UBN1: variants seen among roughly 807,000 people sequenced by gnomAD.
UBN1 encodes ubinuclein-1.
UBN1 carries 17 observed loss-of-function variants against 108.5 expected under a neutral mutation model. The ratio of observed to expected loss-of-function variants is 0.16; its 90% CI spans 0.11 to 0.24. The LOEUF (loss-of-function observed/expected upper bound fraction) is 0.24, where lower values mean the gene tolerates loss of function less well. Ranked by LOEUF, UBN1 falls within the 10% of genes least tolerant of loss-of-function variation. The pLI is 1.00. For synonymous variants in UBN1, 726 were observed against 564.2 expected (o/e 1.29, Z -4.07); for missense variants, 1,595 against 1,394.4 (o/e 1.14, Z -2.29).
At chr16:4,871,614 T>G (rs2087639996) in intron 12 of UBN1, among the ~76,000 whole-genome samples, 1 of 131,342 alleles carries the variant, frequency 7.6e-6, no homozygotes, top group African/African-American at 2.9e-5. Flanking sequence ...TGAGATGGAG[T>G]CTCGCTCTGT....
In UBN1 at chr16:4,860,837, T is replaced by C; in HGVS notation, c.845T>C (p.Leu282Pro). 1 of 1,614,288 alleles carries C rather than the reference T, an allele frequency of 6.2e-7. No homozygotes were observed. Among genetic ancestry groups the C allele is most frequent in the Non-Finnish European group, 8.5e-7 (1 of 1,180,060 alleles). ...GCGGAAGCTCAGGGCCTGCGGGAAC[T>C]GGAGGGTGCCTCTGACCCCTTGCTC... Reference protein sequence around the residue: ...PSAEAQGLRELEGASDPLLSL... With the variant: ...PSAEAQGLREPEGASDPLLSL... Residue 282 changes from leucine (L) to proline (P), a missense_variant, in exon 7 of 18, where the codon CTG becomes CCG. By Grantham distance (98) the Leu-to-Pro change is moderately conservative. This residue lies in a region of UBN1 where 1,398 missense variants were observed against 1,194.7 expected (regional missense o/e 1.17). Transcript: ENST00000262376.
chr16:4,868,482 C>T (rs574554600), intron 7 of UBN1, among the ~76,000 whole-genome samples: 6 of 152,306 alleles, frequency 3.9e-5, no homozygotes, highest in African/African-American at 7.2e-5. Context: ...ACTGTAGATA[C>T]ATGGAAATCC....
Position 4,875,121 on chromosome 16 carries a change from T to C in UBN1, c.2711T>C (p.Phe904Ser). 6.2e-7 allele frequency: 1 copy of C among 1,614,208 alleles called. No homozygotes were observed. Among genetic ancestry groups the C allele is most frequent in the South Asian group, 1.1e-5 (1 of 91,088 alleles). ...GGCTCATCTTACAAGAATAATCCCT[T>C]TGCCAGCTCAATCTCCAAACATGGG... is the stretch of plus-strand genomic sequence containing the variant. ...SAGSSYKNNP[F>S]ASSISKHGVS... The change falls in exon 15 of 18, where the codon TTT (phenylalanine) becomes TCT (serine). Residue 904 changes from phenylalanine (F) to serine (S), a missense_variant. Physicochemically the swap from Phe to Ser is radical, Grantham distance 155. Transcript: ENST00000262376.
At chr16:4,851,119 G>A (rs2142104368) in intron 1 of UBN1, among the ~76,000 whole-genome samples, 1 of 152,302 alleles carries the variant, frequency 6.6e-6, no homozygotes, top group African/African-American at 2.4e-5. Context: ...ATTGATGCTG[G>A]AAGAAACCAA....
At position 4,859,672 on chromosome 16, in the gene UBN1, GTGTT is replaced by G. The variant is rs553974734; in HGVS notation, c.568-191_568-188del. Among the ~76,000 whole-genome samples, 21 of 152,306 alleles carry G rather than the reference GTGTT, an allele frequency of 1.4e-4. No homozygotes were observed. In the East Asian group the frequency reaches 3.9e-3, roughly 28 times the overall value. On this transcript the variant is annotated intron_variant, in intron 5 of 17. Transcript: ENST00000262376. ...ATGGTCACTGTTGTCTCAGCCCTGG[GTGTT>G]TCCAGGAGACACCGTCGGTGGGAAT...
intron 17 of UBN1, among the ~76,000 whole-genome samples, chr16:4,879,325 A>G (rs2088009038): frequency 6.6e-6 from 1 of 151,352 alleles, no homozygotes; most frequent in Non-Finnish European, 1.5e-5. Flanking sequence ...CAGAGGCTGG[A>G]TGTGGTGGCA....
chr16:4,853,564 T>TC (rs1357380585), intron 2 of UBN1, among the ~76,000 whole-genome samples: 1 of 151,410 alleles, frequency 6.6e-6, no homozygotes, highest in Non-Finnish European at 1.5e-5. Context: ...TTTCTTTCTT[T>TC]TTTTTTTTTT....
chr16:4,869,975 A>T (rs1174703183), intron 8 of UBN1, among the ~76,000 whole-genome samples: 1 of 152,152 alleles, frequency 6.6e-6, no homozygotes, highest in Non-Finnish European at 1.5e-5. Context: ...TTTTCCTGGT[A>T]TTGTGACCTA....
At chr16:4,858,200 G>A in intron 3 of UBN1, 124 bp downstream of exon 3, 2 of 735,468 alleles carry the variant, frequency 2.7e-6, no homozygotes, top group South Asian at 3.2e-5. Flanking sequence ...AGCATGGAGA[G>A]AAGAGAAGCA....
intron 1 of UBN1, among the ~76,000 whole-genome samples, chr16:4,849,496 A>G (rs2086429920): frequency 6.6e-6 from 1 of 152,008 alleles, no homozygotes. Flanking sequence ...ATATAGTAAG[A>G]AAAAATTAAA....
chr16:4,879,991 T>C, intron 17 of UBN1, 92 bp from the exon 18 acceptor site: 1 of 1,379,582 alleles, frequency 7.2e-7, no homozygotes, highest in Non-Finnish European at 1.0e-6. Context: ...TTTTGCTATT[T>C]AGGTGTCTCC....
chr16:4,872,359 A>G (rs2087684786), intron 12 of UBN1: 2 of 984,944 alleles, frequency 2.0e-6, no homozygotes, highest in Non-Finnish European at 2.4e-6. Flanking sequence ...TTTCTTGGTA[A>G]AGGCCAGACT....
intron 14 of UBN1, 36 bp downstream of exon 14, chr16:4,873,109 C>T (rs916152449): frequency 4.3e-6 from 7 of 1,613,108 alleles, no homozygotes; most frequent in Non-Finnish European, 5.9e-6. Context: ...GTCAGCTATG[C>T]CCATCTCCCT....
At chr16:4,859,670 G>C (rs1384461049) in intron 5 of UBN1, among the ~76,000 whole-genome samples, 195 bp from the exon 6 acceptor site, 2 of 152,190 alleles carry the variant, frequency 1.3e-5, no homozygotes, top group Non-Finnish European at 2.9e-5. Context: ...TCTCAGCCCT[G>C]GGTGTTTCCA....
rs758890796 is a variant in UBN1, at chr16:4,870,520, G to A, written c.1316G>A (p.Gly439Asp). ...ARKLHLYEQG[G>D]RLKEPLQKLK... is the part of the protein sequence containing the mutation. The stretch of plus-strand genomic sequence containing the variant: ...ATTGTGTCCCGCTCTTCGCAGGGGG[G>A]CCGTCTGAAGGAGCCTCTCCAGAAG... Residue 439 changes from glycine (G) to aspartate (D), a missense_variant, in exon 10 of 18, where the codon GGC (glycine) becomes GAC (aspartate). Physicochemically the swap from Gly to Asp is moderately conservative, Grantham distance 94. Coordinates refer to ENST00000262376, the MANE Select transcript of UBN1 (RefSeq NM_001079514.3). 7.4e-6 allele frequency: 12 copies of A among 1,614,078 alleles called. No homozygotes were observed. The highest frequency in any genetic ancestry group is 9.3e-6 in the Non-Finnish European group (11 of 1,180,012).
At chr16:4,872,031 G>T (rs1596518349) in intron 12 of UBN1, among the ~76,000 whole-genome samples, 1 of 152,214 alleles carries the variant, frequency 6.6e-6, no homozygotes, top group South Asian at 2.1e-4. Context: ...TTCCATCTCA[G>T]AGGCTACCTT....
chr16:4,872,888 C>G lies in UBN1; in HGVS notation c.1711C>G (p.Leu571Val). The G allele has an allele frequency of 6.2e-7, 1 of 1,614,218 alleles. No homozygotes were observed. Among genetic ancestry groups the G allele is most frequent in the Non-Finnish European group, 8.5e-7 (1 of 1,180,024 alleles). The part of the protein sequence containing the change: ...WPKGWMQART[L>V]FKESRRGHGH... Reference sequence around the variant, plus strand: ...CTGGTGTTCTGTGTCTTTCAGAACTCTGTTTAAGGAGAGCAGACGAGGCCA... The same window carrying G: ...CTGGTGTTCTGTGTCTTTCAGAACTGTGTTTAAGGAGAGCAGACGAGGCCA... The change falls in exon 13 of 18, where the codon CTG becomes GTG. Residue 571 changes from leucine to valine, a missense_variant. By Grantham distance (32) the Leu-to-Val change is conservative. This residue lies in a region of UBN1 where 1,398 missense variants were observed against 1,194.7 expected (regional missense o/e 1.17). Transcript: ENST00000262376.
Position 4,877,252 on chromosome 16 carries a change from C to T in UBN1, c.3266-133C>T. 6.6e-7 allele frequency: 1 copy of T among 1,511,076 alleles called. No individual in the cohort carries two copies. The highest frequency in any genetic ancestry group is 2.0e-5 in the Admixed American group (1 of 49,112). The allele number at this position is 1,511,076 out of a possible 1,614,324, so 93.6% of individuals were successfully genotyped here. On this transcript the variant is annotated intron_variant, in intron 16 of 17. Coordinates refer to ENST00000262376, the MANE Select transcript of UBN1 (RefSeq NM_001079514.3). This position sits in a 1 kb window ranked among gnomAD's most constrained non-coding sequence, Gnocchi z 4.3. ...ATCTCCGGGAACTGTGCCAAGCCCC[C>T]ACTGCCCCTTTGGGTGTGGTGCCCA...
chr16:4,870,679 C>G (rs1434262982), intron 10 of UBN1, 45 bp downstream of exon 10: 5 of 1,608,968 alleles, frequency 3.1e-6, no homozygotes, highest in East Asian at 2.2e-5. Flanking sequence ...CCCGTCTTGC[C>G]TCTTCCCCTC....
Sources: gnomAD v4.1 joint callset for allele counts (sites outside exome capture counted in the v4.1 genomes callset) on GRCh38, gnomAD v4.1.1 for gene constraint, gnomAD v4.1.1 regional missense constraint, Gnocchi (gnomAD v3.1) non-coding constraint, MANE v1.5 for transcripts, NCBI Gene and HGNC (gene_info 2026-07-23, HGNC 2026-07-21) for gene names.